FRMD4A: variants seen among roughly 807,000 people sequenced by gnomAD.
FRMD4A encodes FERM domain containing 4A, also known as FERM domain-containing protein 4A.
Under a neutral mutation model 129.1 loss-of-function variants are expected in FRMD4A, and 29 were observed. That is an observed-to-expected ratio of 0.22 (90% CI 0.17 to 0.31). FRMD4A has a LOEUF of 0.31. Ranked by LOEUF, FRMD4A falls within the 10% of genes least tolerant of loss-of-function variation. The pLI is 1.00. For missense variants in FRMD4A, 1,272 were observed against 1,375.8 expected (o/e 0.92, Z 1.19); for synonymous variants, 634 against 571.6 (o/e 1.11, Z -1.56).
chr10:14,250,778 T>G (rs1844410791), intron 2 of FRMD4A, among the ~76,000 whole-genome samples: 1 of 152,100 alleles, frequency 6.6e-6, no homozygotes, highest in African/African-American at 2.4e-5. Context: ...ATGGGCACAG[T>G]GAGCAGAGAG....
chr10:14,313,222 G>C (rs992581246), intron 2 of FRMD4A, among the ~76,000 whole-genome samples: 1 of 151,576 alleles, frequency 6.6e-6, no homozygotes, highest in African/African-American at 2.4e-5. Flanking sequence ...AATTAACCAG[G>C]TGTGGTGGTA....
At chr10:14,185,568 T>C (rs576110037) in intron 2 of FRMD4A, among the ~76,000 whole-genome samples, 3 of 152,228 alleles carry the variant, frequency 2.0e-5, no homozygotes, top group South Asian at 4.2e-4. Flanking sequence ...TATTTAAAGG[T>C]TCAATCTCGT....
At chr10:13,785,697 A>G (rs777809764) in intron 5 of FRMD4A, among the ~76,000 whole-genome samples, 41 of 152,164 alleles carry the variant, frequency 2.7e-4, no homozygotes, top group Non-Finnish European at 4.3e-4. Flanking sequence ...ATGTATACAT[A>G]TGCCATGTTG....
At chr10:13,864,035 G>A (rs1242689122) in intron 2 of FRMD4A, among the ~76,000 whole-genome samples, 1 of 151,734 alleles carries the variant, frequency 6.6e-6, no homozygotes, top group East Asian at 1.9e-4. Context: ...TCATTTTGTT[G>A]CCCAGGCTGG....
At chr10:14,315,282 C>G (rs4750508) in intron 2 of FRMD4A, among the ~76,000 whole-genome samples, 71,205 of 151,954 alleles carry the variant, frequency 0.47, 17,717 homozygotes, top group Non-Finnish European at 0.57. Flanking sequence ...ATACATACCT[C>G]TAACCACAGC....
At chr10:13,859,013 A>G in intron 2 of FRMD4A, 101 bp from the exon 3 acceptor site, 1 of 768,390 alleles carries the variant, frequency 1.3e-6, no homozygotes, top group East Asian at 2.5e-5. Flanking sequence ...TCCTCTGGGC[A>G]AAACTTCCTC....
chr10:13,738,003 G>A (rs1588495607), intron 11 of FRMD4A, 73 bp from the exon 12 acceptor site: 11 of 847,180 alleles, frequency 1.3e-5, no homozygotes, highest in African/African-American at 8.3e-5. Context: ...GAGATTTCCT[G>A]GCTCAGGGGC....
intron 2 of FRMD4A, among the ~76,000 whole-genome samples, chr10:14,070,275 T>G (rs767321841): frequency 6.6e-6 from 1 of 152,234 alleles, no homozygotes; most frequent in Non-Finnish European, 1.5e-5. Context: ...CTTACTGCTC[T>G]CAGCAGTCTT....
At chr10:13,808,439 C>A (rs1021075064) in intron 4 of FRMD4A, among the ~76,000 whole-genome samples, 1 of 152,208 alleles carries the variant, frequency 6.6e-6, no homozygotes, top group African/African-American at 2.4e-5. Context: ...GTAAGGCTAG[C>A]GCTTACTACC....
intron 2 of FRMD4A, among the ~76,000 whole-genome samples, chr10:14,103,609 T>A (rs1314524148): frequency 6.6e-6 from 1 of 152,192 alleles, no homozygotes; most frequent in Non-Finnish European, 1.5e-5. Flanking sequence ...TAAGCATTAG[T>A]TTTTTTATTA....
chr10:13,972,574 T>TA (rs1234525797), intron 2 of FRMD4A, among the ~76,000 whole-genome samples: 2 of 152,112 alleles, frequency 1.3e-5, no homozygotes, highest in Non-Finnish European at 2.9e-5. Context: ...TTACTTCCTA[T>TA]AAACCGTCTT....
intron 2 of FRMD4A, among the ~76,000 whole-genome samples, chr10:14,136,742 A>G (rs1839557282): frequency 2.0e-5 from 3 of 151,772 alleles, no homozygotes; most frequent in Admixed American, 2.0e-4. Flanking sequence ...TCTTATACAT[A>G]TTGATTAATG....
chr10:14,292,205 C>T (rs531549178), intron 2 of FRMD4A, among the ~76,000 whole-genome samples: 7 of 152,096 alleles, frequency 4.6e-5, no homozygotes, highest in Non-Finnish European at 1.0e-4. Context: ...TATACGGAAA[C>T]ATAACTTGGA....
At chr10:14,246,528 G>A (rs1218380) in intron 2 of FRMD4A, among the ~76,000 whole-genome samples, 1 of 152,156 alleles carries the variant, frequency 6.6e-6, no homozygotes, top group African/African-American at 2.4e-5. Flanking sequence ...ATCACATGTG[G>A]ACGTATATGC....
At chr10:14,077,192 T>C (rs1315012791) in intron 2 of FRMD4A, among the ~76,000 whole-genome samples, 1 of 152,182 alleles carries the variant, frequency 6.6e-6, no homozygotes. Context: ...AAGATGCTAC[T>C]TGCAACCAAG....
At chr10:14,152,691 T>G (rs572585384) in intron 2 of FRMD4A, among the ~76,000 whole-genome samples, 2 of 152,142 alleles carry the variant, frequency 1.3e-5, no homozygotes, top group East Asian at 3.9e-4. Context: ...ATTTTTAAAA[T>G]TAGCTGGGCA....
At chr10:13,792,125 G>A (rs543933846) in intron 5 of FRMD4A, among the ~76,000 whole-genome samples, 105 of 152,222 alleles carry the variant, frequency 6.9e-4, no homozygotes, top group Middle Eastern at 3.4e-3. Context: ...GGGGCACTCT[G>A]CCAGGGGAGC....
At chr10:13,655,541 AC>A (rs2082067731) in intron 22 of FRMD4A, 2 of 98,798 alleles carry the variant, frequency 2.0e-5, no homozygotes, top group Admixed American at 1.8e-4. Flanking sequence ...TGGCCAGTGG[AC>A]CCTAATAAAC....
chr10:13,959,846 C>T (rs1249413323), intron 2 of FRMD4A, among the ~76,000 whole-genome samples: 1 of 152,212 alleles, frequency 6.6e-6, no homozygotes, highest in African/African-American at 2.4e-5. Context: ...ACAGGCACTT[C>T]CCCTCGCTCT....
Sources: allele counts gnomAD v4.1 joint callset (sites outside exome capture counted in the v4.1 genomes callset), GRCh38; gene constraint gnomAD v4.1.1; transcripts MANE v1.5; gene names NCBI Gene and HGNC (gene_info 2026-07-23, HGNC 2026-07-21).